RYR2: variants seen among roughly 807,000 people sequenced by gnomAD.
The protein encoded by RYR2 is cardiac muscle ryanodine receptor-calcium release channel.
RYR2 carries 227 observed loss-of-function variants against 601.1 expected under a neutral mutation model. The ratio of observed to expected loss-of-function variants is 0.38; its 90% CI spans 0.34 to 0.42. The LOEUF (loss-of-function observed/expected upper bound fraction) is 0.42. Ranked by LOEUF, RYR2 falls within the 10% of genes least tolerant of loss-of-function variation. The probability of loss-of-function intolerance (pLI) is 1.00; values close to 1 mark genes in which losing one functional copy is unlikely to be tolerated. For missense variants in RYR2, 4,646 were observed against 6,156.5 expected (o/e 0.75, Z 8.21); for synonymous variants, 2,223 against 2,175.1 (o/e 1.02, Z -0.61).
intron 11 of RYR2, among the ~76,000 whole-genome samples, chr1:237,421,679 CAA>C (rs960039121): frequency 5.9e-5 from 9 of 152,166 alleles, no homozygotes; most frequent in Admixed American, 2.6e-4. Flanking sequence ...TGTATGAACC[CAA>C]GTTTATTAAA....
intron 29 of RYR2, among the ~76,000 whole-genome samples, chr1:237,575,540 C>A (rs1378221025): frequency 6.6e-6 from 1 of 151,946 alleles, no homozygotes; most frequent in Non-Finnish European, 1.5e-5. Context: ...TTCTTTCCCC[C>A]CACCCCCGGC....
intron 1 of RYR2, among the ~76,000 whole-genome samples, chr1:237,236,311 C>T (rs1685547885): frequency 6.7e-6 from 1 of 149,776 alleles, no homozygotes; most frequent in Non-Finnish European, 1.5e-5. Flanking sequence ...TTGGTTTGAA[C>T]TCTTTTTATT....
At chr1:237,182,103 G>GTTTATTTATTTA (rs71698093) in intron 1 of RYR2, among the ~76,000 whole-genome samples, 2,035 of 148,644 alleles carry the variant, frequency 0.014, 19 homozygotes, top group Non-Finnish European at 0.019. Context: ...ACTCCCTGGG[G>GTTTATTTATTTA]TTTATTTATT....
chr1:237,504,335 T>G (rs1664988411), intron 22 of RYR2, among the ~76,000 whole-genome samples: 1 of 151,928 alleles, frequency 6.6e-6, no homozygotes, highest in Non-Finnish European at 1.5e-5. Flanking sequence ...TTAAGAGCAA[T>G]ATTTTGCGGG....
intron 83 of RYR2, among the ~76,000 whole-genome samples, chr1:237,760,174 A>C (rs1161484747): frequency 6.6e-6 from 1 of 150,556 alleles, no homozygotes; most frequent in Non-Finnish European, 1.5e-5. Context: ...GCAAGACTCC[A>C]TCTCTACAAA....
intron 1 of RYR2, among the ~76,000 whole-genome samples, chr1:237,102,858 AAAT>A (rs1300306323): frequency 6.6e-6 from 1 of 152,324 alleles, no homozygotes; most frequent in Non-Finnish European, 1.5e-5. Flanking sequence ...CCATCTAAAA[AAAT>A]AATAATAATT....
intron 27 of RYR2, among the ~76,000 whole-genome samples, chr1:237,563,794 T>G (rs1044890697): frequency 1.8e-4 from 28 of 152,124 alleles, no homozygotes; most frequent in African/African-American, 6.8e-4. Flanking sequence ...GTGCTAATAT[T>G]AAAATTAGTT....
chr1:237,238,331 C>G (rs932095717), intron 1 of RYR2, among the ~76,000 whole-genome samples: 18 of 152,148 alleles, frequency 1.2e-4, no homozygotes, highest in Non-Finnish European at 2.5e-4. Context: ...TCCCCCTCCC[C>G]CAACAGCTTC....
At chr1:237,187,173 C>CTTTT in intron 1 of RYR2, among the ~76,000 whole-genome samples, 1 of 146,654 alleles carries the variant, frequency 6.8e-6, no homozygotes, top group African/African-American at 2.5e-5. Context: ...GTCACATAGA[C>CTTTT]TTTTTTTTTT....
In RYR2 at chr1:237,380,399, TA is replaced by T. The variant is rs1701394488; in HGVS notation, c.576+2965del. Among the ~76,000 whole-genome samples, 40 of 32,662 alleles carry T rather than the reference TA, an allele frequency of 1.2e-3. 2 individuals are homozygous for T. The highest frequency in any genetic ancestry group is 3.7e-3 in the African/African-American group (34 of 9,104). The allele number at this position is 32,662 out of a possible 152,430, so 21.4% of individuals were successfully genotyped here. ...ATATATATATATATATATATATATA[TA>T]TATATATATATATATATATATAGTA... On this transcript the variant is annotated intron_variant, in intron 8 of 104. Coordinates refer to ENST00000366574, the MANE Select transcript of RYR2 (RefSeq NM_001035.3).
intron 25 of RYR2, among the ~76,000 whole-genome samples, chr1:237,542,806 C>A (rs1186266452): frequency 6.6e-6 from 1 of 152,138 alleles, no homozygotes; most frequent in Non-Finnish European, 1.5e-5. Flanking sequence ...CTGTACTGTT[C>A]ATGGGTTTGG....
intron 10 of RYR2, among the ~76,000 whole-genome samples, chr1:237,405,507 T>C (rs2149962481): frequency 6.6e-6 from 1 of 152,364 alleles, no homozygotes; most frequent in Non-Finnish European, 1.5e-5. Flanking sequence ...TTCAAGTTCT[T>C]ATTGCGTATG....
chr1:237,386,765 G>A (rs1311647784), intron 8 of RYR2, among the ~76,000 whole-genome samples: 2 of 152,124 alleles, frequency 1.3e-5, no homozygotes, highest in African/African-American at 4.8e-5. Context: ...ATAGCTGTTA[G>A]GAAATATCGC....
At chr1:237,565,157 C>CTTTCTCTT (rs1347900567) in intron 27 of RYR2, among the ~76,000 whole-genome samples, 101 of 52,916 alleles carry the variant, frequency 1.9e-3, no homozygotes, top group Non-Finnish European at 2.7e-3. Context: ...TTCTTTCTTT[C>CTTTCTCTT]TCTTTCTTTC....
At chr1:237,126,501 C>T (rs1210112992) in intron 1 of RYR2, among the ~76,000 whole-genome samples, 1 of 152,182 alleles carries the variant, frequency 6.6e-6, no homozygotes, top group Non-Finnish European at 1.5e-5. Flanking sequence ...CCTACCCCAT[C>T]AGCCTGGCCA....
intron 1 of RYR2, among the ~76,000 whole-genome samples, chr1:237,123,817 G>A (rs1337300127): frequency 2.6e-5 from 4 of 151,666 alleles, no homozygotes; most frequent in Non-Finnish European, 4.4e-5. Context: ...ACAGGTGCCC[G>A]CCACCGCGCC....
intron 47 of RYR2, among the ~76,000 whole-genome samples, chr1:237,641,463 GTCTGTCTGTCTTTCTTTCTT>G (rs1183900071): frequency 0.013 from 713 of 55,262 alleles, 5 homozygotes; most frequent in Non-Finnish European, 0.025. Flanking sequence ...ATAAATTAGT[GTCTGTCTGTCTTTCTTTCTT>G]TCTTTCTTTC....
intron 1 of RYR2, among the ~76,000 whole-genome samples, chr1:237,071,326 C>A (rs1016309100): frequency 2.0e-5 from 3 of 151,876 alleles, no homozygotes; most frequent in African/African-American, 7.3e-5. Flanking sequence ...TGGATTCAAG[C>A]GATTCTCCTG....
At chr1:237,488,593 C>T (rs910775266) in intron 17 of RYR2, among the ~76,000 whole-genome samples, 1 of 152,170 alleles carries the variant, frequency 6.6e-6, no homozygotes, top group Non-Finnish European at 1.5e-5. Context: ...CCTGAAGCAA[C>T]TGAAGATCCA....
Sources: gnomAD v4.1 joint callset for allele counts (sites outside exome capture counted in the v4.1 genomes callset) on GRCh38, gnomAD v4.1.1 for gene constraint, MANE v1.5 for transcripts, NCBI Gene and HGNC (gene_info 2026-07-23, HGNC 2026-07-21) for gene names.